The following TMF1 variants were observed in gnomAD, a reference collection of about 807,000 sequenced individuals.
TMF1 encodes TATA element modulatory factor.
TMF1 carries 71 observed loss-of-function variants against 126.5 expected under a neutral mutation model. The ratio of observed to expected loss-of-function variants is 0.56; its 90% confidence interval spans 0.46 to 0.68. The LOEUF is 0.68. Ranked by LOEUF, TMF1 falls within the 30% of genes least tolerant of loss-of-function variation. TMF1 has a pLI of 0.00. For synonymous variants in TMF1, 461 were observed against 430.5 expected, an observed-to-expected ratio of 1.07 and a Z score of -0.88; for missense variants, 1,259 against 1,253.2, an observed-to-expected ratio of 1.00 and a Z score of -0.07.
intron 8 of TMF1, 88 bp from the exon 9 acceptor site, chr3:69,035,203 C>T: frequency 9.2e-7 from 1 of 1,089,228 alleles, no homozygotes; most frequent in South Asian, 1.3e-5. Context: ...GTTGTGTCAA[C>T]ATTGTTCATG....
At chr3:69,037,484 A>T (rs1028069554) in intron 8 of TMF1, among the ~76,000 whole-genome samples, 1 of 152,180 alleles carries the variant, frequency 6.6e-6, no homozygotes, top group African/African-American at 2.4e-5. Context: ...TACTAAAAAA[A>T]AACAAAAATT....
At chr3:69,029,740 C>T in intron 11 of TMF1, 75 bp downstream of exon 11, 1 of 1,412,972 alleles carries the variant, frequency 7.1e-7, no homozygotes, top group East Asian at 2.3e-5. Context: ...GGCGCCCGGC[C>T]CAACAACATA....
At chr3:69,043,910 G>A (rs2091880953) in intron 3 of TMF1, 34 bp from the exon 4 acceptor site, 2 of 1,568,144 alleles carry the variant, frequency 1.3e-6, no homozygotes, top group Non-Finnish European at 1.7e-6. Flanking sequence ...AATGAGGATG[G>A]TGTCTATATA....
intron 2 of TMF1, among the ~76,000 whole-genome samples, chr3:69,045,545 T>TGAG (rs2091890830): frequency 1.3e-5 from 2 of 152,112 alleles, no homozygotes; most frequent in South Asian, 4.1e-4. Flanking sequence ...TTTGGTAGGC[T>TGAG]GAGGAGGGCA....
At chr3:69,025,821 C>G in intron 14 of TMF1, 109 bp from the exon 15 acceptor site, 8 of 1,299,264 alleles carry the variant, frequency 6.2e-6, no homozygotes, top group Non-Finnish European at 8.5e-6. Context: ...AATGTCTTCT[C>G]AAAGGCAGAA....
intron 4 of TMF1, among the ~76,000 whole-genome samples, chr3:69,043,172 TTTTTA>T (rs1292551889): frequency 6.6e-6 from 1 of 152,086 alleles, no homozygotes; most frequent in East Asian, 1.9e-4. Context: ...TTCCTTTTCA[TTTTTA>T]TTTTTATTTT....
At chr3:69,039,920 CAT>C (rs1175736462) in intron 5 of TMF1, among the ~76,000 whole-genome samples, 1 of 152,130 alleles carries the variant, frequency 6.6e-6, no homozygotes, top group East Asian at 1.9e-4. Flanking sequence ...GAATCACTCT[CAT>C]ATATCACCTA....
Position 69,052,102 on chromosome 3 carries a change from G to C in TMF1, c.-16C>G. The C allele has an allele frequency of 1.2e-6, 2 of 1,601,860 alleles. No individual in the cohort carries two copies. The highest frequency in any genetic ancestry group is 1.3e-5 in the African/African-American group (1 of 74,756). The stretch of plus-strand genomic sequence containing the variant: ...ACCAACTCATCGCCCCTCCTCAGCC[G>C]GCAGTGGCGGCGGCAGCACCAAGCG... On this transcript the variant is annotated 5_prime_UTR_variant, in exon 1 of 17. Transcript: ENST00000398559.
intron 6 of TMF1, 87 bp downstream of exon 6, chr3:69,039,464 T>C: frequency 2.8e-6 from 4 of 1,409,560 alleles, no homozygotes; most frequent in Non-Finnish European, 3.8e-6. Context: ...CCCCATTAAA[T>C]CTTTTCAAAT....
Position 69,039,531 on chromosome 3 carries a change from G to C in TMF1, c.1827+20C>G. On this transcript the variant is annotated intron_variant, in intron 6 of 16. Coordinates refer to ENST00000398559, the MANE Select transcript of TMF1 (RefSeq NM_007114.3). Reference sequence around the variant, plus strand: ...GAAGTAATAACAATATATATGTAGAGAATTATGATTGCTATTCACCTGTTT... The same window carrying C: ...GAAGTAATAACAATATATATGTAGACAATTATGATTGCTATTCACCTGTTT... 6.2e-7 allele frequency: 1 copy of C among 1,605,460 alleles called. No homozygotes were observed. The highest frequency in any genetic ancestry group is 8.5e-7 in the Non-Finnish European group (1 of 1,177,690).
At chr3:69,027,868 C>T in intron 13 of TMF1, 32 bp downstream of exon 13, 1 of 1,185,090 alleles carries the variant, frequency 8.4e-7, no homozygotes, top group South Asian at 1.3e-5. Flanking sequence ...TAAATGGTTA[C>T]ACCACAAACA....
rs1165837108 is a variant in TMF1, at chr3:69,048,640, T to TA, written c.143-79dup. On this transcript the variant is annotated intron_variant, in intron 1 of 16. Transcript: ENST00000398559. ...TTTCAATCATCATTATAAATCAGTA[T>TA]AAATATAAATTTAGAAAAAATACCC... 575 of 1,284,068 alleles carry TA rather than the reference T, an allele frequency of 4.5e-4. 1 individual carries two copies. Among genetic ancestry groups the TA allele is most frequent in the Middle Eastern group, 1.7e-3 (6 of 3,560 alleles). The allele number at this position is 1,284,068 out of a possible 1,614,324, so 79.5% of individuals were successfully genotyped here.
rs985476129 is a variant in TMF1 at position 69,023,991 on chromosome 3, A to C, written c.3138+64T>G. The C allele has an allele frequency of 2.8e-6, 4 of 1,441,790 alleles. No homozygotes were observed. In the Admixed American group the frequency reaches 1.0e-4, roughly 36 times the overall value. The allele number at this position is 1,441,790 out of a possible 1,614,324, so 89.3% of individuals were successfully genotyped here. A position where few individuals can be genotyped will look rare whatever the true frequency, so the allele number is the denominator to read the frequency against. ...CACTAACACATACTATAAATTAAAA[A>C]CATGAGATTTAAAGTAAATGAACTA... is the stretch of plus-strand genomic sequence containing the variant. On this transcript the variant is annotated intron_variant, in intron 16 of 16. Transcript: ENST00000398559.
chr3:69,034,388 G>A (rs549657401), intron 9 of TMF1, among the ~76,000 whole-genome samples: 9 of 152,040 alleles, frequency 5.9e-5, no homozygotes, highest in East Asian at 1.9e-4. Context: ...CAGGAGAATC[G>A]CTTGAACCCA....
At chr3:69,037,728 T>G (rs915555710) in intron 8 of TMF1, among the ~76,000 whole-genome samples, 1 of 151,838 alleles carries the variant, frequency 6.6e-6, no homozygotes, top group African/African-American at 2.4e-5. Context: ...ATTGCTTGAA[T>G]CCGGGAGGCA....
At position 69,047,504 on chromosome 3, in the gene TMF1, T is replaced by C. The variant is rs1283468202; in HGVS notation, c.1201A>G (p.Thr401Ala). ...AEMEESGRSA[T>A]PVNCEQPDIL... ...TCAGGCTGTTCACAGTTAACAGGAGTTGCACTTCGTCCACTTTCTTCCATT... is the reference window on the plus strand; with the variant it reads ...TCAGGCTGTTCACAGTTAACAGGAGCTGCACTTCGTCCACTTTCTTCCATT... The change falls in exon 2 of 17, where the codon ACT becomes GCT. Residue 401 changes from threonine to alanine, a missense_variant. Transcript: ENST00000398559. 2 of 1,614,192 alleles carry C rather than the reference T, an allele frequency of 1.2e-6. No homozygotes were observed. The highest frequency in any genetic ancestry group is 1.7e-6 in the Non-Finnish European group (2 of 1,180,036).
intron 8 of TMF1, among the ~76,000 whole-genome samples, chr3:69,037,111 G>C (rs1465652096): frequency 6.6e-6 from 1 of 151,922 alleles, no homozygotes; most frequent in Non-Finnish European, 1.5e-5. Context: ...ATGTGCAAAG[G>C]ATTTGAATAT....
At chr3:69,024,519 ATATACT>A (rs2091756092) in intron 15 of TMF1, 1 of 168,422 alleles carries the variant, frequency 5.9e-6, no homozygotes, top group African/African-American at 2.4e-5. Flanking sequence ...AGAAATAAAA[ATATACT>A]TTAACGTAGC....
At chr3:69,044,360 T>C (rs187225189) in intron 3 of TMF1, 132 bp downstream of exon 3, 4 of 536,770 alleles carry the variant, frequency 7.5e-6, no homozygotes, top group African/African-American at 1.9e-5. Flanking sequence ...AGGGTTATAA[T>C]TGAAAGCTAT....
Sources: allele counts gnomAD v4.1 joint callset (sites outside exome capture counted in the v4.1 genomes callset), GRCh38; gene constraint gnomAD v4.1.1; transcripts MANE v1.5; gene names NCBI Gene and HGNC (gene_info 2026-07-23, HGNC 2026-07-21).